The following GFRA2 variants were observed in gnomAD, a reference collection of about 807,000 sequenced individuals.
GFRA2 encodes the protein GDNF family receptor alpha-2.
Under a neutral mutation model 48.3 loss-of-function variants are expected in GFRA2, and 17 were observed. The observed-to-expected ratio is 0.35, with a 90% confidence interval of 0.24 to 0.53. The LOEUF is 0.53. Ranked by LOEUF, GFRA2 falls within the 20% of genes least tolerant of loss-of-function variation. The pLI is 0.93. For synonymous variants in GFRA2, 305 were observed against 257.2 expected, an observed-to-expected ratio of 1.19 and a Z score of -1.78; for missense variants, 660 against 637.3, an observed-to-expected ratio of 1.04 and a Z score of -0.38.
At chr8:21,719,807 C>T (rs146977568) in intron 4 of GFRA2, among the ~76,000 whole-genome samples, 9 of 152,026 alleles carry the variant, frequency 5.9e-5, no homozygotes, top group Admixed American at 5.9e-4. Flanking sequence ...GTAGAAAGCA[C>T]CAGGTTTACT....
At chr8:21,748,210 G>A (rs958283488) in intron 4 of GFRA2, among the ~76,000 whole-genome samples, 2 of 152,108 alleles carry the variant, frequency 1.3e-5, no homozygotes, top group African/African-American at 4.8e-5. Flanking sequence ...ACAAGTCCAA[G>A]TGCCCCCTAT....
chr8:21,764,848 AC>A (rs1288941840), intron 3 of GFRA2, among the ~76,000 whole-genome samples: 2 of 152,022 alleles, frequency 1.3e-5, no homozygotes. Flanking sequence ...CCCCTATTTC[AC>A]TACTCCCCTT....
chr8:21,764,997 T>G (rs149820356), intron 3 of GFRA2, among the ~76,000 whole-genome samples: 1 of 152,190 alleles, frequency 6.6e-6, no homozygotes, highest in African/African-American at 2.4e-5. Context: ...ATGGGTGACC[T>G]CCATGTCACT....
At chr8:21,794,058 TA>T (rs1807625456) in intron 2 of GFRA2, among the ~76,000 whole-genome samples, 1 of 151,842 alleles carries the variant, frequency 6.6e-6, no homozygotes, top group Non-Finnish European at 1.5e-5. Context: ...CTCCATATGT[TA>T]CCCAGGCTGG....
chr8:21,694,382 C>T, intron 8 of GFRA2, 82 bp downstream of exon 8: 1 of 1,354,720 alleles, frequency 7.4e-7, no homozygotes, highest in South Asian at 1.2e-5. Flanking sequence ...TTTGAGGGCG[C>T]TGGATCTGAG....
chr8:21,772,132 G>A (rs1806466610), intron 3 of GFRA2, among the ~76,000 whole-genome samples: 1 of 152,140 alleles, frequency 6.6e-6, no homozygotes, highest in Non-Finnish European at 1.5e-5. Context: ...GGGAAGCACT[G>A]CTCCAAGCTC....
intron 3 of GFRA2, among the ~76,000 whole-genome samples, chr8:21,757,159 G>T (rs1267852169): frequency 6.6e-6 from 1 of 152,174 alleles, no homozygotes. Flanking sequence ...ACAGCCAGCA[G>T]CAGAGGGGCA....
At chr8:21,730,394 ACT>A (rs1221679991) in intron 4 of GFRA2, among the ~76,000 whole-genome samples, 3 of 110,190 alleles carry the variant, frequency 2.7e-5, no homozygotes, top group African/African-American at 8.2e-5. Context: ...CAAGAGCAAA[ACT>A]CTGTCTCAAA....
At chr8:21,812,098 T>A (rs1807991619) in intron 1 of GFRA2, 1 of 152,272 alleles carries the variant, frequency 6.6e-6, no homozygotes. Context: ...CTGCCCCTAC[T>A]GAAGCGTGTG....
intron 1 of GFRA2, 140 bp from the exon 2 acceptor site, chr8:21,783,039 G>T: frequency 1.3e-6 from 1 of 795,542 alleles, no homozygotes; most frequent in Admixed American, 2.0e-5. Flanking sequence ...CTGTGGGACA[G>T]CCCTCCTCAT....
intron 4 of GFRA2, among the ~76,000 whole-genome samples, chr8:21,742,949 C>A (rs559440106): frequency 3.3e-5 from 5 of 152,330 alleles, no homozygotes; most frequent in African/African-American, 1.2e-4. Flanking sequence ...GTAGCAGCCA[C>A]AGCAGGGTGA....
chr8:21,696,095 CCCT>C lies in GFRA2; in HGVS notation c.1219-1581_1219-1579del, dbSNP rs1387067881. Reference sequence around the variant, plus strand: ...GTCCCCTCCCCCCTCTCTCCCCTCCCCCTCCTCTGTCCCCTCCTCCTTTCCTGT... The same window carrying C: ...GTCCCCTCCCCCCTCTCTCCCCTCCCCCTCTGTCCCCTCCTCCTTTCCTGT... On this transcript the variant is annotated intron_variant, in intron 7 of 8. Coordinates refer to ENST00000524240, the MANE Select transcript of GFRA2 (RefSeq NM_001495.5). Among the ~76,000 whole-genome samples, 35 of 127,808 alleles carry C rather than the reference CCCT, an allele frequency of 2.7e-4. 1 individual carries two copies. The highest frequency in any genetic ancestry group is 8.9e-4 in the African/African-American group (30 of 33,532). 83.8% of individuals were successfully genotyped at this position (127,808 alleles called of 152,430 possible).
upstream of GFRA2, among the ~76,000 whole-genome samples, chr8:21,791,781 C>G (rs1807578216): frequency 6.6e-6 from 1 of 152,156 alleles, no homozygotes; most frequent in Non-Finnish European, 1.5e-5. Flanking sequence ...AATTAGGGAC[C>G]TATGACAAGG....
intron 3 of GFRA2, among the ~76,000 whole-genome samples, chr8:21,766,839 CAT>C (rs1000600951): frequency 6.2e-5 from 9 of 145,116 alleles, no homozygotes; most frequent in Non-Finnish European, 7.5e-5. Context: ...ACCTCATGCA[CAT>C]CACACCTATG....
upstream of GFRA2, chr8:21,788,933 GC>G (rs1469163464): frequency 5.0e-6 from 2 of 400,692 alleles, no homozygotes; most frequent in Non-Finnish European, 6.8e-6. Flanking sequence ...CCCTCCGCCC[GC>G]CCCCTTCTCC....
Position 21,782,781 on chromosome 8 carries a change from G to A in GFRA2, c.159C>T (p.Cys53=). The change falls in exon 2 of 9, where the codon TGC becomes TGT. Residue 53 remains cysteine (C), a synonymous_variant. Transcript: ENST00000524240. ...GCCGCAGAGTGCGGTAGCGAGAGCT[G>A]CAGTTGGATTCGGCGGCACACAGCT... The part of the protein sequence containing the change: ...ANELCAAESN[C]SSRYRTLRQC... 1 of 1,590,454 alleles carries A rather than the reference G, an allele frequency of 6.3e-7. No homozygotes were observed. The highest frequency in any genetic ancestry group is 1.7e-4 in the Middle Eastern group (1 of 6,046).
In GFRA2 at chr8:21,750,593, C is replaced by G. The variant is rs2229903; in HGVS notation, c.789G>C (p.Leu263=). The part of the protein sequence containing the change: ...DLRGVCRTDH[L]CRSRLADFHA... ...GGGGCTGCCGCGGCACTCACCGACA[C>G]AGGTGGTCAGTCCGGCACACGCCAC... Residue 263 remains leucine, a synonymous_variant, in exon 4 of 9, where the codon CTG becomes CTC. Coordinates refer to ENST00000524240, the MANE Select transcript of GFRA2 (RefSeq NM_001495.5). This position sits in a 1 kb window ranked among gnomAD's most constrained non-coding sequence, Gnocchi z 5.7. The G allele has an allele frequency of 0.017, 27,730 of 1,595,056 alleles. 942 individuals carry two copies. Among genetic ancestry groups the G allele is most frequent in the African/African-American group, 0.13 (9,655 of 74,566 alleles).
At position 21,774,049 on chromosome 8, in the gene GFRA2, C is replaced by A. The variant is rs6989131; in HGVS notation, c.439+923G>T. Among the ~76,000 whole-genome samples the A allele has an allele frequency of 8.8e-3, 1,340 of 152,288 alleles. 15 individuals are homozygous for A. The highest frequency in any genetic ancestry group is 0.031 in the African/African-American group (1,298 of 41,536). The stretch of plus-strand genomic sequence containing the variant: ...AACATTTCAGACTGCCACAAAACTG[C>A]ATGTAAACGAGATTTCCTGTGCTCA... On this transcript the variant is annotated intron_variant, in intron 3 of 8. Coordinates refer to ENST00000524240, the MANE Select transcript of GFRA2 (RefSeq NM_001495.5).
chr8:21,743,874 A>C (rs1268229189), intron 4 of GFRA2, among the ~76,000 whole-genome samples: 1 of 152,182 alleles, frequency 6.6e-6, no homozygotes, highest in Non-Finnish European at 1.5e-5. Flanking sequence ...CTATGCTTTG[A>C]GAGATCAAGG....
Sources: allele counts gnomAD v4.1 joint callset (sites outside exome capture counted in the v4.1 genomes callset), GRCh38; gene constraint gnomAD v4.1.1; non-coding constraint Gnocchi (gnomAD v3.1); transcripts MANE v1.5; gene names NCBI Gene and HGNC (gene_info 2026-07-23, HGNC 2026-07-21).